ZNF679: variants seen among roughly 807,000 people sequenced by gnomAD.
The protein encoded by ZNF679 is hypothetical protein MGC42415.
In ZNF679, 10 loss-of-function variants were observed where a neutral mutation model predicts 13.4. The observed-to-expected ratio is 0.75, with a 90% confidence interval of 0.46 to 1.27. ZNF679 has a LOEUF of 1.27. Ranked by LOEUF, ZNF679 falls within the 50% of genes most tolerant of loss-of-function variation. The pLI is 0.00. For synonymous variants in ZNF679, 179 were observed against 162.5 expected (o/e 1.10, Z -0.77); for missense variants, 525 against 477.8 (o/e 1.10, Z -0.92).
intron 1 of ZNF679, among the ~76,000 whole-genome samples, chr7:64,231,503 C>T (rs193063478): frequency 1.3e-5 from 2 of 152,206 alleles, no homozygotes; most frequent in African/African-American, 4.8e-5. Context: ...GTCTCAATGT[C>T]CCCTTTAATC....
At chr7:64,232,337 A>G (rs919741421) in intron 1 of ZNF679, among the ~76,000 whole-genome samples, 3 of 152,240 alleles carry the variant, frequency 2.0e-5, no homozygotes, top group African/African-American at 7.2e-5. Context: ...TAAAATATGC[A>G]TGAGCATCCT....
chr7:64,258,587 G>A (rs1323705628), intron 2 of ZNF679, among the ~76,000 whole-genome samples: 1 of 151,760 alleles, frequency 6.6e-6, no homozygotes, highest in African/African-American at 2.4e-5. Context: ...TGTAATCTGA[G>A]CTACTGAGGA....
At position 64,266,197 on chromosome 7, in the gene ZNF679, A is replaced by G. The variant is rs1413576353; in HGVS notation, c.564A>G (p.Lys188=). ...GAAAGAAACATTTCAAATGTAAAAA[A>G]TATGGCAAATCATTTTGCATGGTTT... ...HTGKKHFKCK[K]YGKSFCMVSQ... is the part of the protein sequence containing the mutation. Residue 188 remains lysine, a synonymous_variant, in exon 5 of 5, where the codon AAA becomes AAG. Coordinates refer to ENST00000421025, the MANE Select transcript of ZNF679 (RefSeq NM_153363.3). The G allele has an allele frequency of 1.9e-6, 3 of 1,586,202 alleles. No homozygotes were observed. Among genetic ancestry groups the G allele is most frequent in the Non-Finnish European group, 2.6e-6 (3 of 1,164,398 alleles).
chr7:64,236,906 A>AAAAGAAAGAAAGAAAGAAGAAAGAAAG (rs1787722374), intron 1 of ZNF679, among the ~76,000 whole-genome samples: 2 of 129,562 alleles, frequency 1.5e-5, no homozygotes. Context: ...GAAAAAGAAA[A>AAAAGAAAGAAAGAAAGAAGAAAGAAAG]AAAGAAAGAA....
chr7:64,258,538 T>C (rs987943769), intron 2 of ZNF679, among the ~76,000 whole-genome samples: 4 of 151,866 alleles, frequency 2.6e-5, no homozygotes, highest in Non-Finnish European at 4.4e-5. Context: ...CCGTCTCTAT[T>C]AAAAATACAA....
At chr7:64,256,599 G>C (rs1788007722) in intron 2 of ZNF679, among the ~76,000 whole-genome samples, 1 of 151,232 alleles carries the variant, frequency 6.6e-6, no homozygotes, top group Non-Finnish European at 1.5e-5. Context: ...TTTTTAGTCT[G>C]AGTGTGTTTA....
chr7:64,236,783 A>AAAGGAAAGGAGAAGGAAAGAAAAAGAAAG (rs1787717984), intron 1 of ZNF679, among the ~76,000 whole-genome samples: 2 of 151,568 alleles, frequency 1.3e-5, no homozygotes, highest in Non-Finnish European at 2.9e-5. Flanking sequence ...ACTCGAAAGG[A>AAAGGAAAGGAGAAGGAAAGAAAAAGAAAG]AAGGAAAGGA....
intron 1 of ZNF679, among the ~76,000 whole-genome samples, chr7:64,239,629 A>G (rs1311039212): frequency 6.6e-6 from 1 of 152,182 alleles, no homozygotes; most frequent in Non-Finnish European, 1.5e-5. Flanking sequence ...AGGTGATGTA[A>G]ATCTTCTTTC....
chr7:64,266,238 A>T lies in ZNF679; in HGVS notation c.605A>T (p.His202Leu), dbSNP rs1788146085. 1.3e-6 allele frequency: 2 copies of T among 1,581,332 alleles called. No homozygotes were observed. The highest frequency in any genetic ancestry group is 1.7e-6 in the Non-Finnish European group (2 of 1,162,314). The change falls in exon 5 of 5, where the codon CAT (histidine) becomes CTT (leucine). Residue 202 changes from histidine to leucine, a missense_variant. By Grantham distance (99) the His-to-Leu change is moderately conservative. Coordinates refer to ENST00000421025, the MANE Select transcript of ZNF679 (RefSeq NM_153363.3). Reference sequence around the variant, plus strand: ...TGCATGGTTTCACAACTACATCAACATCAGATAATTCATACTAGGGAGAAT... The same window carrying T: ...TGCATGGTTTCACAACTACATCAACTTCAGATAATTCATACTAGGGAGAAT... The part of the protein sequence containing the change: ...SFCMVSQLHQ[H>L]QIIHTRENSY...
rs11434714 is a variant in ZNF679, at chr7:64,250,265, GTTT to G, written c.39+1129_39+1131del. On this transcript the variant is annotated intron_variant, in intron 2 of 4. Coordinates refer to ENST00000421025, the MANE Select transcript of ZNF679 (RefSeq NM_153363.3). ...TCTACAGGAAACTGGCTTTCCCTTG[GTTT>G]TTTTTTTTTTTTTTTTTTTGAGACA... 9.9e-5 allele frequency among the ~76,000 whole-genome samples: 9 copies of G among 91,320 alleles called. No homozygotes were observed. The South Asian group carries it at 1.2e-3, about 13-fold the overall frequency. 59.9% of individuals were successfully genotyped at this position (91,320 alleles called of 152,430 possible).
rs769154004 is a variant in ZNF679 at position 64,266,382 on chromosome 7, C to G, written c.749C>G (p.Thr250Ser). The change falls in exon 5 of 5, where the codon ACC becomes AGC. Residue 250 changes from threonine to serine, a missense_variant. Transcript: ENST00000421025. ...TGTGAGGAATGTGGCAAAGCTTTTA[C>G]CTGGTCCTCAACCCTTACTAAACAT... ...YRCEECGKAF[T>S]WSSTLTKHRR... The G allele has an allele frequency of 1.2e-5, 19 of 1,610,722 alleles. No individual in the cohort carries two copies. The African/African-American group carries it at 1.9e-4, about 16-fold the overall frequency.
In ZNF679 at chr7:64,228,545, G is replaced by A. The variant is rs191938387; in HGVS notation, c.-198G>A. On this transcript the variant is annotated 5_prime_UTR_variant, in exon 1 of 5. It removes the in-frame stop codon of an upstream open reading frame in the 5' UTR. Coordinates refer to ENST00000421025, the MANE Select transcript of ZNF679 (RefSeq NM_153363.3). ...CCAAGCAAATTAGTAAAATAAATTA[G>A]GTGCTGTGTGAAAGTATACGCCACA... 2.0e-5 allele frequency: 3 copies of A among 152,306 alleles called. No individual in the cohort carries two copies. Among genetic ancestry groups the A allele is most frequent in the East Asian group, 1.9e-4 (1 of 5,182 alleles). The allele number at this position is 152,306 out of a possible 1,614,324, so 9.4% of individuals were successfully genotyped here. A position where few individuals can be genotyped will look rare whatever the true frequency, so the allele number is the denominator to read the frequency against.
At chr7:64,250,749 C>A (rs2116531633) in intron 2 of ZNF679, among the ~76,000 whole-genome samples, 1 of 151,918 alleles carries the variant, frequency 6.6e-6, no homozygotes, top group Admixed American at 6.6e-5. Context: ...CCACCACACC[C>A]AGCTAATTTT....
rs200907915 is a variant in ZNF679 at position 64,266,492 on chromosome 7, A to G, written c.859A>G (p.Lys287Glu). The G allele has an allele frequency of 6.2e-6, 10 of 1,613,450 alleles. No individual in the cohort carries two copies. Among genetic ancestry groups the G allele is most frequent in the Middle Eastern group, 3.3e-4 (2 of 6,078 alleles). ...CCGCTCCTCAACACTTGCTAACCAC[A>G]AGAGAATTCATACTGGAGAGAAACC... is the stretch of plus-strand genomic sequence containing the variant. The part of the protein sequence containing the change: ...FSRSSTLANH[K>E]RIHTGEKPYT... Residue 287 changes from lysine to glutamate, a missense_variant, in exon 5 of 5, where the codon AAG (lysine) becomes GAG (glutamate). By Grantham distance (56) the Lys-to-Glu change is moderately conservative. Transcript: ENST00000421025.
intron 2 of ZNF679, among the ~76,000 whole-genome samples, chr7:64,258,556 C>A (rs1459660556): frequency 5.9e-5 from 9 of 151,908 alleles, no homozygotes; most frequent in Admixed American, 2.6e-4. Context: ...CAAAAATCAG[C>A]CGGGCGTGGT....
rs191209055 is a variant in ZNF679, at chr7:64,254,943, T to G, written c.40-5278T>G. On this transcript the variant is annotated intron_variant, in intron 2 of 4. Transcript: ENST00000421025. ...TGAACTCAGGAGGTGGAGGTTGCAG[T>G]GAGCTGAGATCATGCCACTGCACTC... Among the ~76,000 whole-genome samples, 3 of 136,276 alleles carry G rather than the reference T, an allele frequency of 2.2e-5. No homozygotes were observed. In the East Asian group the frequency reaches 6.5e-4, roughly 30 times the overall value. 89.4% of individuals were successfully genotyped at this position (136,276 alleles called of 152,430 possible).
At chr7:64,253,981 T>C (rs1787972352) in intron 2 of ZNF679, among the ~76,000 whole-genome samples, 3 of 152,168 alleles carry the variant, frequency 2.0e-5, no homozygotes, top group African/African-American at 7.2e-5. Flanking sequence ...AAAGTAGAAA[T>C]TTGCAGAGTT....
At chr7:64,243,580 G>A (rs945009393) in intron 1 of ZNF679, among the ~76,000 whole-genome samples, 3 of 152,162 alleles carry the variant, frequency 2.0e-5, no homozygotes, top group Non-Finnish European at 4.4e-5. Flanking sequence ...AGTAACCCCT[G>A]TGGACTGGCC....
At chr7:64,237,343 G>A (rs919685980) in intron 1 of ZNF679, among the ~76,000 whole-genome samples, 1 of 152,218 alleles carries the variant, frequency 6.6e-6, no homozygotes, top group African/African-American at 2.4e-5. Flanking sequence ...TGCCCAGGGT[G>A]CATGGGTGTG....
Sources: allele counts gnomAD v4.1 joint callset (sites outside exome capture counted in the v4.1 genomes callset), GRCh38; gene constraint gnomAD v4.1.1; transcripts MANE v1.5; gene names NCBI Gene and HGNC (gene_info 2026-07-23, HGNC 2026-07-21).